The following PDZRN4 variants were observed in gnomAD, a reference collection of about 807,000 sequenced individuals.
PDZRN4 encodes the protein PDZ domain containing ring finger 4.
Under a neutral mutation model 99.0 loss-of-function variants are expected in PDZRN4, and 70 were observed. The observed-to-expected ratio is 0.71, with a 90% CI of 0.58 to 0.86. The LOEUF is 0.86. Ranked by LOEUF, PDZRN4 falls within the 40% of genes least tolerant of loss-of-function variation. The pLI is 0.00. For synonymous variants in PDZRN4, 551 were observed against 501.6 expected, an observed-to-expected ratio of 1.10 and a Z score of -1.32; for missense variants, 1,474 against 1,331.2, an observed-to-expected ratio of 1.11 and a Z score of -1.67.
At chr12:41,554,931 G>A (rs959807139) in intron 6 of PDZRN4, among the ~76,000 whole-genome samples, 33 of 151,782 alleles carry the variant, frequency 2.2e-4, no homozygotes, top group African/African-American at 5.6e-4. Flanking sequence ...GTCTTGGGCC[G>A]GACGCGGTGG....
intron 3 of PDZRN4, among the ~76,000 whole-genome samples, chr12:41,329,300 A>G (rs149319312): frequency 1.3e-5 from 2 of 152,222 alleles, no homozygotes; most frequent in African/African-American, 2.4e-5. Context: ...CGTGTATTCA[A>G]TATGTTCTTC....
chr12:41,502,765 A>C (rs1383154352), intron 3 of PDZRN4, among the ~76,000 whole-genome samples: 1 of 152,130 alleles, frequency 6.6e-6, no homozygotes, highest in East Asian at 1.9e-4. Context: ...CAAAGGAGTA[A>C]GAGGGAAGAG....
chr12:41,359,627 G>T (rs1951951372), intron 3 of PDZRN4, among the ~76,000 whole-genome samples: 1 of 151,870 alleles, frequency 6.6e-6, no homozygotes, highest in Non-Finnish European at 1.5e-5. Context: ...TTTATAAATG[G>T]GAGTTCCCCT....
intron 2 of PDZRN4, among the ~76,000 whole-genome samples, chr12:41,191,976 G>T (rs2120635074): frequency 6.6e-6 from 1 of 151,598 alleles, no homozygotes; most frequent in East Asian, 2.0e-4. Flanking sequence ...TAGAGACAGG[G>T]TTTCACATGT....
intron 5 of PDZRN4, among the ~76,000 whole-genome samples, chr12:41,535,683 C>T (rs935863848): frequency 6.6e-6 from 1 of 152,074 alleles, no homozygotes; most frequent in Non-Finnish European, 1.5e-5. Flanking sequence ...ATGCTCTTAC[C>T]ATGGGAGTGG....
intron 3 of PDZRN4, among the ~76,000 whole-genome samples, chr12:41,470,866 C>T (rs924735803): frequency 7.2e-5 from 11 of 152,136 alleles, no homozygotes; most frequent in Non-Finnish European, 1.0e-4. Context: ...GAGCACCCTC[C>T]GCCACAGCCC....
At chr12:41,240,008 G>T (rs1951092344) in intron 3 of PDZRN4, among the ~76,000 whole-genome samples, 1 of 152,138 alleles carries the variant, frequency 6.6e-6, no homozygotes, top group Admixed American at 6.5e-5. Flanking sequence ...GGCACATATT[G>T]CCCACTTGGG....
intron 5 of PDZRN4, among the ~76,000 whole-genome samples, chr12:41,525,644 C>T (rs1254530244): frequency 6.6e-6 from 1 of 151,934 alleles, no homozygotes; most frequent in Non-Finnish European, 1.5e-5. Context: ...TCTATTCCAT[C>T]ATTTAACCAT....
chr12:41,428,437 T>C (rs1325258015), intron 3 of PDZRN4, among the ~76,000 whole-genome samples: 1 of 152,176 alleles, frequency 6.6e-6, no homozygotes, highest in Admixed American at 6.5e-5. Flanking sequence ...AATGACTGAA[T>C]ATTTGAGCAG....
At chr12:41,475,112 G>A (rs998667665) in intron 3 of PDZRN4, among the ~76,000 whole-genome samples, 1 of 152,092 alleles carries the variant, frequency 6.6e-6, no homozygotes, top group African/African-American at 2.4e-5. Flanking sequence ...ACCTAGAAGT[G>A]ATTTCTAGGT....
chr12:41,455,252 C>T (rs892680998), intron 3 of PDZRN4, among the ~76,000 whole-genome samples: 2 of 152,040 alleles, frequency 1.3e-5, no homozygotes, highest in African/African-American at 4.8e-5. Flanking sequence ...ATATGAATCC[C>T]ATGGAATAGC....
intron 3 of PDZRN4, among the ~76,000 whole-genome samples, chr12:41,344,826 T>C (rs1357345603): frequency 6.7e-6 from 1 of 149,730 alleles, no homozygotes; most frequent in Non-Finnish European, 1.5e-5. Context: ...AATTTTGATT[T>C]AAAATAAAAT....
chr12:41,250,306 T>C (rs1339372386), intron 3 of PDZRN4, among the ~76,000 whole-genome samples: 1 of 152,174 alleles, frequency 6.6e-6, no homozygotes, highest in Non-Finnish European at 1.5e-5. Flanking sequence ...GTTGATTTGC[T>C]CACCTCCAAA....
At chr12:41,400,448 C>T (rs778426756) in intron 3 of PDZRN4, among the ~76,000 whole-genome samples, 11 of 152,076 alleles carry the variant, frequency 7.2e-5, no homozygotes, top group Non-Finnish European at 1.6e-4. Flanking sequence ...GCAACACTTT[C>T]GAGGCACCAT....
intron 3 of PDZRN4, among the ~76,000 whole-genome samples, chr12:41,491,411 A>T (rs2120629845): frequency 6.6e-6 from 1 of 152,276 alleles, no homozygotes; most frequent in East Asian, 1.9e-4. Flanking sequence ...AGACCCAGCT[A>T]GTTAAGAGGC....
chr12:41,546,362 T>C (rs142364297), intron 5 of PDZRN4, among the ~76,000 whole-genome samples: 1 of 152,320 alleles, frequency 6.6e-6, no homozygotes, highest in East Asian at 1.9e-4. Context: ...GATTAGATTA[T>C]TGTTTAACAG....
At chr12:41,379,145 T>C (rs1263909412) in intron 3 of PDZRN4, among the ~76,000 whole-genome samples, 2 of 151,976 alleles carry the variant, frequency 1.3e-5, no homozygotes, top group Non-Finnish European at 2.9e-5. Flanking sequence ...TTTGTTGATA[T>C]ATGTTCATGG....
intron 5 of PDZRN4, among the ~76,000 whole-genome samples, chr12:41,529,998 T>C (rs1217755690): frequency 6.6e-6 from 1 of 152,246 alleles, no homozygotes; most frequent in Non-Finnish European, 1.5e-5. Context: ...AGAAGCAACC[T>C]GTGTCTGTCT....
At chr12:41,369,985 T>C (rs1178227430) in intron 3 of PDZRN4, among the ~76,000 whole-genome samples, 3 of 151,966 alleles carry the variant, frequency 2.0e-5, no homozygotes. Flanking sequence ...TGATCTACAA[T>C]CTAGAATAAA....
Sources: gnomAD v4.1 joint callset for allele counts (sites outside exome capture counted in the v4.1 genomes callset) on GRCh38, gnomAD v4.1.1 for gene constraint, MANE v1.5 for transcripts, NCBI Gene and HGNC (gene_info 2026-07-23, HGNC 2026-07-21) for gene names.